Variants in RNF150 observed in about 807,000 individuals in gnomAD.
RNF150 encodes the protein ring finger protein 150.
RNF150 carries 24 observed loss-of-function variants against 39.3 expected under a neutral mutation model. That is an observed-to-expected ratio of 0.61 (90% confidence interval 0.44 to 0.86). The LOEUF (loss-of-function observed/expected upper bound fraction) is 0.86. Among genes scored for constraint, RNF150 ranks in the 40% least tolerant of loss-of-function variants. The pLI is 0.00. For missense variants in RNF150, 502 were observed against 587.8 expected (o/e 0.85, Z 1.51); for synonymous variants, 255 against 227.3 (o/e 1.12, Z -1.10).
At chr4:140,921,968 T>A (rs7437800) in intron 5 of RNF150, among the ~76,000 whole-genome samples, 20 of 150,738 alleles carry the variant, frequency 1.3e-4, no homozygotes, top group African/African-American at 4.6e-4. Flanking sequence ...GGGACGTATC[T>A]CAAAATAATA....
chr4:141,012,349 T>G (rs990088860), intron 1 of RNF150, among the ~76,000 whole-genome samples: 1 of 152,234 alleles, frequency 6.6e-6, no homozygotes, highest in Non-Finnish European at 1.5e-5. Context: ...TCCTTGTCCC[T>G]ACATGTAACT....
intron 6 of RNF150, among the ~76,000 whole-genome samples, chr4:140,870,709 G>A (rs1728900128): frequency 6.6e-6 from 1 of 152,108 alleles, no homozygotes; most frequent in African/African-American, 2.4e-5. Flanking sequence ...CCTGAAGTGG[G>A]GCAGGACACA....
intron 6 of RNF150, among the ~76,000 whole-genome samples, chr4:140,903,659 A>G (rs1730271573): frequency 6.6e-6 from 1 of 152,224 alleles, no homozygotes; most frequent in Non-Finnish European, 1.5e-5. Flanking sequence ...CCATGTCAAA[A>G]GCAAGATATC....
chr4:141,030,406 T>G (rs1468605869), intron 1 of RNF150, among the ~76,000 whole-genome samples: 2 of 152,124 alleles, frequency 1.3e-5, no homozygotes, highest in African/African-American at 4.8e-5. Context: ...TCCCAAGAGG[T>G]TGAAAATTAT....
intron 1 of RNF150, among the ~76,000 whole-genome samples, chr4:141,201,596 C>T (rs527420984): frequency 4.6e-5 from 7 of 150,792 alleles, no homozygotes; most frequent in Admixed American, 1.3e-4. Context: ...CTCATTGTCT[C>T]CATGAAAAGG....
At chr4:141,130,580 A>G (rs951276737) in intron 1 of RNF150, among the ~76,000 whole-genome samples, 3 of 152,236 alleles carry the variant, frequency 2.0e-5, no homozygotes, top group African/African-American at 7.2e-5. Context: ...CTTTTTAGAC[A>G]GGAACAAATG....
At chr4:141,082,768 T>G (rs1738209441) in intron 1 of RNF150, among the ~76,000 whole-genome samples, 1 of 151,928 alleles carries the variant, frequency 6.6e-6, no homozygotes, top group African/African-American at 2.4e-5. Context: ...TTTTGTATTT[T>G]TAGTAGAGAC....
At chr4:141,145,500 A>G (rs1353274494) in intron 1 of RNF150, among the ~76,000 whole-genome samples, 1 of 152,174 alleles carries the variant, frequency 6.6e-6, no homozygotes, top group African/African-American at 2.4e-5. Context: ...CAGTTAACAG[A>G]GTGAGTATGT....
chr4:140,999,958 AAG>A (rs1491519784), intron 1 of RNF150, among the ~76,000 whole-genome samples: 3 of 36,432 alleles, frequency 8.2e-5, no homozygotes, highest in Non-Finnish European at 2.3e-4. Flanking sequence ...GAAGAAGAAG[AAG>A]AAGAAGAAGA....
At chr4:140,998,115 T>G (rs1485052486) in intron 1 of RNF150, among the ~76,000 whole-genome samples, 1 of 152,100 alleles carries the variant, frequency 6.6e-6, no homozygotes, top group Non-Finnish European at 1.5e-5. Context: ...ATTGCTTCAG[T>G]TAGGTAACGC....
chr4:140,993,166 A>G (rs975194607), intron 1 of RNF150, among the ~76,000 whole-genome samples: 2 of 152,138 alleles, frequency 1.3e-5, no homozygotes, highest in Non-Finnish European at 2.9e-5. Flanking sequence ...CATGAAATAG[A>G]TTTGCTGGGC....
intron 1 of RNF150, among the ~76,000 whole-genome samples, chr4:141,075,412 T>A (rs1311130809): frequency 6.6e-6 from 1 of 152,258 alleles, no homozygotes; most frequent in East Asian, 1.9e-4. Flanking sequence ...GAAGTAACTT[T>A]CAAAATGTAG....
intron 1 of RNF150, among the ~76,000 whole-genome samples, chr4:141,199,109 C>T (rs1728250832): frequency 6.6e-6 from 1 of 152,102 alleles, no homozygotes; most frequent in Non-Finnish European, 1.5e-5. Context: ...AGCAAACAAA[C>T]ACTTGAAAAG....
intron 1 of RNF150, among the ~76,000 whole-genome samples, chr4:141,211,512 C>T (rs1728464952): frequency 6.6e-6 from 1 of 152,056 alleles, no homozygotes; most frequent in South Asian, 2.1e-4. Context: ...TAATAATGCC[C>T]TATTATTTCT....
At position 140,880,856 on chromosome 4, in the gene RNF150, TG is replaced by T. The variant is rs1285520135; in HGVS notation, c.1199-12478del. Among the ~76,000 whole-genome samples the T allele has an allele frequency of 3.3e-5, 5 of 152,220 alleles. No individual in the cohort carries two copies. The East Asian group carries it at 9.6e-4, about 29-fold the overall frequency. ...TATTTTTTATTTCTTTGGCATTAGT[TG>T]TAATGTCTCCTCTTTAATGTCTAAC... On this transcript the variant is annotated intron_variant, in intron 6 of 6. Coordinates refer to ENST00000515673, the MANE Select transcript of RNF150 (RefSeq NM_020724.2).
intron 1 of RNF150, among the ~76,000 whole-genome samples, chr4:141,109,364 T>C (rs1739314100): frequency 6.6e-6 from 1 of 152,000 alleles, no homozygotes; most frequent in South Asian, 2.1e-4. Context: ...TTCTTTGTAT[T>C]AGTTGGTACA....
At chr4:140,929,706 G>T (rs1731549265) in intron 4 of RNF150, among the ~76,000 whole-genome samples, 1 of 152,098 alleles carries the variant, frequency 6.6e-6, no homozygotes, top group South Asian at 2.1e-4. Context: ...CAAGGCTGTA[G>T]TATAGTTCTT....
At chr4:140,880,342 G>A (rs1176232543) in intron 6 of RNF150, among the ~76,000 whole-genome samples, 1 of 152,008 alleles carries the variant, frequency 6.6e-6, no homozygotes, top group Non-Finnish European at 1.5e-5. Flanking sequence ...GCATTCCAGG[G>A]ATAAATCCCA....
chr4:141,139,412 A>G (rs1578762787), intron 1 of RNF150, among the ~76,000 whole-genome samples: 1 of 152,228 alleles, frequency 6.6e-6, no homozygotes, highest in East Asian at 1.9e-4. Flanking sequence ...ATAAGAATTC[A>G]GTGAGAGCAG....
Sources: gnomAD v4.1 joint callset for allele counts (sites outside exome capture counted in the v4.1 genomes callset) on GRCh38, gnomAD v4.1.1 for gene constraint, MANE v1.5 for transcripts, NCBI Gene and HGNC (gene_info 2026-07-23, HGNC 2026-07-21) for gene names.